Variants in FUT8 observed in about 807,000 individuals in gnomAD.
FUT8 encodes the protein fucosyltransferase 8.
Under a neutral mutation model 71.3 loss-of-function variants are expected in FUT8, and 29 were observed. The ratio of observed to expected loss-of-function variants is 0.41; its 90% CI spans 0.30 to 0.55. The LOEUF is 0.55. Ranked by LOEUF, FUT8 falls within the 20% of genes least tolerant of loss-of-function variation. The probability of loss-of-function intolerance (pLI) is 0.34; values close to 1 mark genes in which losing one functional copy is unlikely to be tolerated. For synonymous variants in FUT8, 254 were observed against 239.3 expected (o/e 1.06, Z -0.57); for missense variants, 544 against 702.1 (o/e 0.77, Z 2.55).
intron 7 of FUT8, among the ~76,000 whole-genome samples, chr14:65,689,144 A>G (rs1046170789): frequency 1.3e-5 from 2 of 152,214 alleles, no homozygotes; most frequent in African/African-American, 2.4e-5. Flanking sequence ...GAGAGTTCCT[A>G]TTTCTTCACA....
chr14:65,611,279 ACACACACACACACACACACACAC>A lies in FUT8; in HGVS notation c.204-4697_204-4675del, dbSNP rs1566851467. On this transcript the variant is annotated intron_variant, in intron 3 of 10. Transcript: ENST00000673929. ...CACACACACACACACACACACACAC[ACACACACACACACACACACACAC>A]CCCCCAAGTAATAGCCTTGATTTTG... Among the ~76,000 whole-genome samples, 45 of 51,894 alleles carry A rather than the reference ACACACACACACACACACACACAC, an allele frequency of 8.7e-4. 8 individuals are homozygous for A. Among genetic ancestry groups the A allele is most frequent in the African/African-American group, 2.7e-3 (27 of 10,158 alleles). The allele number at this position is 51,894 out of a possible 152,430, so 34.0% of individuals were successfully genotyped here. A position where few individuals can be genotyped will look rare whatever the true frequency, so the allele number is the denominator to read the frequency against.
rs901811389 is a variant in FUT8, at chr14:65,643,064, T to G, written c.597+13458T>G. On this transcript the variant is annotated intron_variant, in intron 6 of 10. Coordinates refer to ENST00000673929, the MANE Select transcript of FUT8 (RefSeq NM_001371533.1). This position sits in a 1 kb window ranked among gnomAD's most constrained non-coding sequence, Gnocchi z 4.5. The stretch of plus-strand genomic sequence containing the variant: ...AACTTACAGTAAGCCACAAATTAAT[T>G]CCTCCTTCATTTAAAACTAAAATCC... 2.6e-5 allele frequency among the ~76,000 whole-genome samples: 4 copies of G among 152,164 alleles called. No homozygotes were observed. The highest frequency in any genetic ancestry group is 4.4e-5 in the Non-Finnish European group (3 of 68,020).
chr14:65,621,256 T>G (rs1594827022), intron 5 of FUT8, among the ~76,000 whole-genome samples: 1 of 151,920 alleles, frequency 6.6e-6, no homozygotes, highest in East Asian at 1.9e-4. Context: ...TTTTTTTTTT[T>G]GTTTTGTTTT....
At chr14:65,477,835 A>G (rs2066269940) in intron 2 of FUT8, among the ~76,000 whole-genome samples, 1 of 152,102 alleles carries the variant, frequency 6.6e-6, no homozygotes, top group Non-Finnish European at 1.5e-5. Context: ...ATTGTAGGGA[A>G]AGATGACTAA....
intron 3 of FUT8, among the ~76,000 whole-genome samples, chr14:65,577,667 A>C (rs1886864023): frequency 6.6e-6 from 1 of 152,164 alleles, no homozygotes; most frequent in African/African-American, 2.4e-5. Context: ...ATAATTTGGA[A>C]AACTTGCACA....
intron 2 of FUT8, among the ~76,000 whole-genome samples, chr14:65,469,992 G>T (rs536164323): frequency 8.9e-4 from 135 of 152,310 alleles, no homozygotes; most frequent in Non-Finnish European, 1.4e-3. Context: ...CTGGGGACGT[G>T]CCCCCTTCCA....
intron 2 of FUT8, among the ~76,000 whole-genome samples, chr14:65,470,322 TG>T (rs1279268321): frequency 6.6e-6 from 1 of 152,082 alleles, no homozygotes; most frequent in Non-Finnish European, 1.5e-5. Flanking sequence ...AACCCTGACT[TG>T]GGTAGCTGCA....
intron 1 of FUT8, among the ~76,000 whole-genome samples, chr14:65,452,978 C>T (rs1009021808): frequency 6.6e-6 from 1 of 152,096 alleles, no homozygotes; most frequent in South Asian, 2.1e-4. Flanking sequence ...CCTGTCATTT[C>T]TGGGTTGGTT....
intron 6 of FUT8, among the ~76,000 whole-genome samples, chr14:65,653,574 G>A (rs1409578875): frequency 6.6e-6 from 1 of 152,140 alleles, no homozygotes; most frequent in Admixed American, 6.5e-5. Context: ...TAAGTAATTT[G>A]CTGAAAACTG....
At chr14:65,723,292 TC>T (rs1249984834) in intron 8 of FUT8, among the ~76,000 whole-genome samples, 2 of 151,460 alleles carry the variant, frequency 1.3e-5, no homozygotes, top group Non-Finnish European at 2.9e-5. Flanking sequence ...GCCACTGCAC[TC>T]CAATGTGTGC....
chr14:65,730,911 C>T (rs565190975), intron 9 of FUT8, among the ~76,000 whole-genome samples: 48 of 152,110 alleles, frequency 3.2e-4, no homozygotes, highest in Non-Finnish European at 5.9e-4. Flanking sequence ...AAAAGTTTCC[C>T]AGGTAAAATA....
intron 1 of FUT8, among the ~76,000 whole-genome samples, chr14:65,414,332 T>A (rs912940682): frequency 1.3e-5 from 2 of 152,240 alleles, no homozygotes; most frequent in African/African-American, 4.8e-5. Context: ...TGATTAAATT[T>A]ACATTCTATG....
At chr14:65,633,005 C>CG (rs1890280257) in intron 6 of FUT8, among the ~76,000 whole-genome samples, 1 of 85,258 alleles carries the variant, frequency 1.2e-5, no homozygotes, top group Admixed American at 1.3e-4. Context: ...CCTCTCCCCT[C>CG]CCCCCCCCCG....
At chr14:65,673,229 C>G (rs1302456059) in intron 7 of FUT8, among the ~76,000 whole-genome samples, 1 of 152,208 alleles carries the variant, frequency 6.6e-6, no homozygotes, top group Non-Finnish European at 1.5e-5. Flanking sequence ...CTCCATGCCT[C>G]ATTTCCAAAA....
chr14:65,545,249 A>T (rs757458730), intron 2 of FUT8, among the ~76,000 whole-genome samples: 4 of 152,088 alleles, frequency 2.6e-5, no homozygotes, highest in African/African-American at 4.8e-5. Context: ...AAATTCTGTA[A>T]CAATATTTAG....
At position 65,669,977 on chromosome 14, in the gene FUT8, G is replaced by A. The variant is rs75821966; in HGVS notation, c.835+497G>A. ...GACAAAAGTTTTAGGTTTAGGGACC[G>A]TGCTTTGAGAACCACTGAGGTGGAC... On this transcript the variant is annotated intron_variant, in intron 7 of 10. Coordinates refer to ENST00000673929, the MANE Select transcript of FUT8 (RefSeq NM_001371533.1). The surrounding 1 kb of genome is among the most constrained non-coding windows in gnomAD (Gnocchi z 4.5). Among the ~76,000 whole-genome samples, 14 of 152,262 alleles carry A rather than the reference G, an allele frequency of 9.2e-5. No homozygotes were observed. Among genetic ancestry groups the A allele is most frequent in the Non-Finnish European group, 1.9e-4 (13 of 68,012 alleles).
chr14:65,512,256 T>A (rs1463874142), intron 2 of FUT8, among the ~76,000 whole-genome samples: 1 of 152,180 alleles, frequency 6.6e-6, no homozygotes, highest in East Asian at 1.9e-4. Flanking sequence ...CTGCGCCTCC[T>A]GGTTCAAGCA....
At chr14:65,675,732 G>A (rs935824908) in intron 7 of FUT8, among the ~76,000 whole-genome samples, 5 of 152,238 alleles carry the variant, frequency 3.3e-5, no homozygotes, top group East Asian at 1.9e-4. Context: ...GCTCACGCCT[G>A]TAATCCCAGT....
chr14:65,701,539 C>T (rs987626217), intron 7 of FUT8, among the ~76,000 whole-genome samples: 3 of 152,312 alleles, frequency 2.0e-5, no homozygotes. Context: ...ATTATTAACT[C>T]TTAACCATGA....
Sources: gnomAD v4.1 joint callset for allele counts (sites outside exome capture counted in the v4.1 genomes callset) on GRCh38, gnomAD v4.1.1 for gene constraint, Gnocchi (gnomAD v3.1) non-coding constraint, MANE v1.5 for transcripts, NCBI Gene and HGNC (gene_info 2026-07-23, HGNC 2026-07-21) for gene names.